Variants in TRAPPC9 observed in about 807,000 individuals in gnomAD.
TRAPPC9 encodes IKK2 binding protein.
Under a neutral mutation model 124.0 loss-of-function variants are expected in TRAPPC9, and 83 were observed. That is an observed-to-expected ratio of 0.67 (90% confidence interval 0.56 to 0.80). TRAPPC9 has a LOEUF of 0.80. Among genes scored for constraint, TRAPPC9 ranks in the 30% least tolerant of loss-of-function variants. The pLI is 0.00. For missense variants in TRAPPC9, 1,302 were observed against 1,508.3 expected, an observed-to-expected ratio of 0.86 and a Z score of 2.27; for synonymous variants, 638 against 617.5, an observed-to-expected ratio of 1.03 and a Z score of -0.49.
intron 17 of TRAPPC9, among the ~76,000 whole-genome samples, chr8:140,093,401 C>T (rs937451476): frequency 3.3e-5 from 5 of 152,180 alleles, no homozygotes; most frequent in African/African-American, 1.2e-4. Flanking sequence ...GTTGCGGTGG[C>T]TCACACCTGT....
intron 8 of TRAPPC9, among the ~76,000 whole-genome samples, chr8:140,367,576 G>C (rs1241462270): frequency 6.6e-6 from 1 of 152,220 alleles, no homozygotes; most frequent in African/African-American, 2.4e-5. Context: ...AATAAATAGG[G>C]AGGGAGGGAT....
At chr8:140,212,127 AAGAAG>A (rs2063076009) in intron 17 of TRAPPC9, among the ~76,000 whole-genome samples, 1 of 152,220 alleles carries the variant, frequency 6.6e-6, no homozygotes, top group Non-Finnish European at 1.5e-5. Flanking sequence ...CCAGCAATGC[AAGAAG>A]ACACGCCTCA....
At chr8:139,994,967 T>G (rs1178268399) in intron 18 of TRAPPC9, among the ~76,000 whole-genome samples, 1 of 96,152 alleles carries the variant, frequency 1.0e-5, no homozygotes, top group East Asian at 3.9e-4. Flanking sequence ...ATGAGTGACA[T>G]GAATTGGTTT....
chr8:140,357,108 G>T (rs116667513), intron 9 of TRAPPC9, among the ~76,000 whole-genome samples: 5,476 of 152,226 alleles, frequency 0.036, 207 homozygotes, highest in African/African-American at 0.098. Flanking sequence ...AGACAAGCAT[G>T]GACCAACTAA....
intron 19 of TRAPPC9, among the ~76,000 whole-genome samples, chr8:139,974,417 G>T (rs1473905542): frequency 2.0e-5 from 3 of 152,164 alleles, no homozygotes. Flanking sequence ...AGCATCAGCA[G>T]ACAAGACCCC....
intron 13 of TRAPPC9, 128 bp downstream of exon 13, chr8:140,287,480 A>G: frequency 7.7e-7 from 1 of 1,304,234 alleles, no homozygotes; most frequent in Non-Finnish European, 1.1e-6. Flanking sequence ...TCCCAAAGAG[A>G]CAAGGTCTTC....
chr8:140,394,974 C>T lies in TRAPPC9; in HGVS notation c.1134+2646G>A, dbSNP rs1209074444. On this transcript the variant is annotated intron_variant, in intron 7 of 22. Coordinates refer to ENST00000438773, the MANE Select transcript of TRAPPC9 (RefSeq NM_001160372.4). The stretch of plus-strand genomic sequence containing the variant: ...CACGTAGGTCCCCCAAAAAGCATGT[C>T]AAATGAGAAGTATGATCCAGCTGTT... 4.6e-5 allele frequency among the ~76,000 whole-genome samples: 7 copies of T among 152,164 alleles called. No homozygotes were observed. In the East Asian group the frequency reaches 1.2e-3, roughly 25 times the overall value.
chr8:139,970,938 C>T (rs575237688), intron 19 of TRAPPC9, among the ~76,000 whole-genome samples: 3 of 152,124 alleles, frequency 2.0e-5, no homozygotes, highest in African/African-American at 7.2e-5. Context: ...CTCCTGCCCT[C>T]CCCGAGTGAG....
intron 19 of TRAPPC9, among the ~76,000 whole-genome samples, chr8:139,969,774 TTGATTGTGTCTA>T (rs1159259969): frequency 2.6e-5 from 4 of 152,364 alleles, no homozygotes; most frequent in African/African-American, 9.6e-5. Flanking sequence ...CATGGCTGCT[TTGATTGTGTCTA>T]TCTTGGGGAG....
At chr8:140,289,124 G>T (rs2065573705) in intron 12 of TRAPPC9, among the ~76,000 whole-genome samples, 1 of 152,012 alleles carries the variant, frequency 6.6e-6, no homozygotes, top group African/African-American at 2.4e-5. Context: ...AGACGCAGGG[G>T]TATACACATG....
chr8:139,946,246 G>T (rs760498959), intron 19 of TRAPPC9, among the ~76,000 whole-genome samples: 4 of 152,176 alleles, frequency 2.6e-5, no homozygotes, highest in Non-Finnish European at 5.9e-5. Context: ...AGGCAAACCT[G>T]ATCTTTATTC....
At chr8:140,262,779 T>C (rs1001549932) in intron 15 of TRAPPC9, 8 of 152,244 alleles carry the variant, frequency 5.3e-5, no homozygotes, top group Admixed American at 4.6e-4. Context: ...AAATGTTTGA[T>C]TGTTGAATAA....
intron 19 of TRAPPC9, among the ~76,000 whole-genome samples, chr8:139,928,910 C>G (rs1298896818): frequency 6.6e-6 from 1 of 151,944 alleles, no homozygotes; most frequent in Non-Finnish European, 1.5e-5. Flanking sequence ...TCCCTTGCAT[C>G]ACAGTCTGTT....
chr8:140,219,352 A>G (rs960789864), intron 17 of TRAPPC9, among the ~76,000 whole-genome samples: 4 of 152,214 alleles, frequency 2.6e-5, no homozygotes, highest in African/African-American at 7.2e-5. Context: ...CTCCGTCGAT[A>G]GCCGCTTGAA....
At chr8:140,349,223 G>A (rs1156392669) in intron 9 of TRAPPC9, among the ~76,000 whole-genome samples, 12 of 102,282 alleles carry the variant, frequency 1.2e-4, no homozygotes, top group Admixed American at 3.6e-4. Flanking sequence ...GGGCACAGAA[G>A]GGGGCCGAAG....
intron 17 of TRAPPC9, among the ~76,000 whole-genome samples, chr8:140,179,293 C>T (rs932751095): frequency 2.6e-5 from 4 of 152,058 alleles, no homozygotes; most frequent in Admixed American, 6.5e-5. Context: ...AGCCAATTCA[C>T]AATGTTTTCA....
intron 15 of TRAPPC9, among the ~76,000 whole-genome samples, chr8:140,259,301 C>G (rs571738142): frequency 6.6e-6 from 1 of 152,312 alleles, no homozygotes; most frequent in South Asian, 2.1e-4. Context: ...CATCACTGCT[C>G]TGGGCTCCAA....
At chr8:140,294,084 T>A (rs2065738411) in intron 11 of TRAPPC9, among the ~76,000 whole-genome samples, 1 of 152,048 alleles carries the variant, frequency 6.6e-6, no homozygotes, top group African/African-American at 2.4e-5. Context: ...CCTATGGTCC[T>A]GAGAAGCAAG....
At chr8:139,737,282 G>T (rs1280718943) in intron 21 of TRAPPC9, among the ~76,000 whole-genome samples, 3 of 152,192 alleles carry the variant, frequency 2.0e-5, no homozygotes, top group African/African-American at 7.2e-5. Context: ...GCCTCCTGGG[G>T]GACCCGCTGC....
Sources: allele counts gnomAD v4.1 joint callset (sites outside exome capture counted in the v4.1 genomes callset), GRCh38; gene constraint gnomAD v4.1.1; transcripts MANE v1.5; gene names NCBI Gene and HGNC (gene_info 2026-07-23, HGNC 2026-07-21).